The following TUSC3 variants were observed in gnomAD, a reference collection of about 807,000 sequenced individuals.
The protein encoded by TUSC3 is tumor suppressor candidate 3.
Under a neutral mutation model 44.8 loss-of-function variants are expected in TUSC3, and 45 were observed. That is an observed-to-expected ratio of 1.00 (90% CI 0.79 to 1.29). The LOEUF (loss-of-function observed/expected upper bound fraction) is 1.29, where lower values mean the gene tolerates loss of function less well. Ranked by LOEUF, TUSC3 falls within the 50% of genes most tolerant of loss-of-function variation. The pLI is 0.00. For missense variants in TUSC3, 519 were observed against 437.9 expected (o/e 1.19, Z -1.65); for synonymous variants, 212 against 152.9 (o/e 1.39, Z -2.85).
intron 6 of TUSC3, among the ~76,000 whole-genome samples, chr8:15,717,697 C>CCAA (rs1225455304): frequency 6.6e-6 from 1 of 152,088 alleles, no homozygotes; most frequent in East Asian, 1.9e-4. Flanking sequence ...CTCATTTGGA[C>CCAA]ATATAGCTAA....
chr8:15,446,204 C>T (rs987288871), intron 1 of TUSC3, among the ~76,000 whole-genome samples: 3 of 145,538 alleles, frequency 2.1e-5, no homozygotes, highest in Admixed American at 6.9e-5. Flanking sequence ...ACATCTCAGA[C>T]GTTGGGTGGC....
chr8:15,542,301 C>G (rs1801718532), intron 1 of TUSC3, among the ~76,000 whole-genome samples: 1 of 151,988 alleles, frequency 6.6e-6, no homozygotes, highest in South Asian at 2.1e-4. Context: ...CAGATGAAGC[C>G]TCCAGGTGGC....
At chr8:15,448,120 T>TA (rs71211042) in intron 1 of TUSC3, among the ~76,000 whole-genome samples, 2,660 of 131,648 alleles carry the variant, frequency 0.02, 311 homozygotes, top group African/African-American at 0.06. Flanking sequence ...TATATATATA[T>TA]TTATTTATTT....
chr8:15,504,609 ATATATATATATATTTTTT>A (rs1353576750), intron 2 of TUSC3, among the ~76,000 whole-genome samples: 337 of 25,866 alleles, frequency 0.013, 3 homozygotes, highest in African/African-American at 0.048. Flanking sequence ...ATATATATAT[ATATATATATATATTTTTT>A]TTTTTTTTTT....
intron 1 of TUSC3, among the ~76,000 whole-genome samples, chr8:15,607,555 T>G (rs1804583222): frequency 6.6e-6 from 1 of 152,182 alleles, no homozygotes; most frequent in Admixed American, 6.5e-5. Context: ...CTCTAACATT[T>G]CATTATGAAC....
At chr8:15,565,095 C>T (rs573769232) in intron 1 of TUSC3, among the ~76,000 whole-genome samples, 3 of 151,758 alleles carry the variant, frequency 2.0e-5, no homozygotes, top group Non-Finnish European at 4.4e-5. Context: ...GTGGGATGTC[C>T]AAGTCAGTCT....
the TUSC3 span, among the ~76,000 whole-genome samples, chr8:15,819,980 C>G: frequency 6.6e-6 from 1 of 152,116 alleles, no homozygotes; most frequent in Non-Finnish European, 1.5e-5. Flanking sequence ...ATTATGTTGT[C>G]AATTATTATG....
chr8:15,541,108 T>C (rs770909956), intron 1 of TUSC3, among the ~76,000 whole-genome samples: 8 of 152,214 alleles, frequency 5.3e-5, no homozygotes, highest in Non-Finnish European at 8.8e-5. Flanking sequence ...ACAGAACATA[T>C]TGAGAGTGTG....
intron 9 of TUSC3, among the ~76,000 whole-genome samples, chr8:15,752,614 T>C (rs1012836714): frequency 6.6e-6 from 1 of 152,078 alleles, no homozygotes; most frequent in Non-Finnish European, 1.5e-5. Flanking sequence ...TGAAATTCAT[T>C]TTATAGATGA....
chr8:15,517,983 C>CA (rs34752261), intron 2 of TUSC3, among the ~76,000 whole-genome samples: 54,434 of 149,770 alleles, frequency 0.36, 10,223 homozygotes, highest in South Asian at 0.6. Context: ...CAAGAACAAA[C>CA]AAAAAAAAAC....
chr8:15,719,893 A>G (rs1463071050), intron 6 of TUSC3, among the ~76,000 whole-genome samples: 2 of 152,072 alleles, frequency 1.3e-5, no homozygotes, highest in African/African-American at 4.8e-5. Context: ...TCTGTTAAAC[A>G]TGAGTATTGT....
intron 10 of TUSC3, among the ~76,000 whole-genome samples, chr8:15,760,577 G>C (rs1232499525): frequency 6.6e-6 from 1 of 151,986 alleles, no homozygotes; most frequent in Non-Finnish European, 1.5e-5. Context: ...TAAATCATTG[G>C]GGGGTGGGAC....
intron 1 of TUSC3, among the ~76,000 whole-genome samples, chr8:15,449,626 G>T (rs977967122): frequency 2.0e-5 from 3 of 152,168 alleles, no homozygotes; most frequent in Admixed American, 1.3e-4. Context: ...GGAGTATAAT[G>T]AGGCGTCTTA....
chr8:15,594,747 C>T lies in TUSC3; in HGVS notation c.139-28333C>T, dbSNP rs143263794. On this transcript the variant is annotated intron_variant, in intron 1 of 10. Coordinates refer to ENST00000503731, the MANE Select transcript of TUSC3 (RefSeq NM_006765.4). ...GGATACTACTCTTATGAATCAGGTT[C>T]GCTGCACACTAGTTATCAACTTGAG... is the stretch of plus-strand genomic sequence containing the variant. Among the ~76,000 whole-genome samples the T allele has an allele frequency of 2.3e-3, 343 of 152,186 alleles. 1 individual carries two copies. The highest frequency in any genetic ancestry group is 7.7e-3 in the African/African-American group (319 of 41,526).
At chr8:15,666,558 A>G (rs887365551) in intron 5 of TUSC3, among the ~76,000 whole-genome samples, 1 of 151,486 alleles carries the variant, frequency 6.6e-6, no homozygotes, top group African/African-American at 2.4e-5. Flanking sequence ...ATCAGTAGAA[A>G]TTTATTTCTT....
intron 2 of TUSC3, among the ~76,000 whole-genome samples, chr8:15,529,156 A>G (rs931198593): frequency 6.6e-6 from 1 of 152,196 alleles, no homozygotes; most frequent in Non-Finnish European, 1.5e-5. Flanking sequence ...AAGCACAAAC[A>G]CAAGTTCTAA....
chr8:15,817,882 T>A, the TUSC3 span, among the ~76,000 whole-genome samples: 2 of 152,086 alleles, frequency 1.3e-5, no homozygotes, highest in South Asian at 2.1e-4. Flanking sequence ...CTAAAGTGAA[T>A]TGGGGCAAGA....
At chr8:15,851,757 G>T in the TUSC3 span, among the ~76,000 whole-genome samples, 2 of 152,052 alleles carry the variant, frequency 1.3e-5, no homozygotes, top group Admixed American at 1.3e-4. Context: ...TAAGCTTTCT[G>T]GTTGCTTCCT....
chr8:15,533,309 A>G (rs1801475893), intron 2 of TUSC3, among the ~76,000 whole-genome samples: 1 of 152,200 alleles, frequency 6.6e-6, no homozygotes, highest in African/African-American at 2.4e-5. Context: ...GGGTAGAGGA[A>G]TAGTCACTTA....
Sources: allele counts gnomAD v4.1 joint callset (sites outside exome capture counted in the v4.1 genomes callset), GRCh38; gene constraint gnomAD v4.1.1; transcripts MANE v1.5; gene names NCBI Gene and HGNC (gene_info 2026-07-23, HGNC 2026-07-21).